The following OTUB1 variants were observed in gnomAD, a reference collection of about 807,000 sequenced individuals.
OTUB1 encodes the protein ubiquitin thioesterase OTUB1.
A neutral mutation model predicts 35.8 loss-of-function variants in OTUB1; 10 were observed. That is an observed-to-expected ratio of 0.28 (90% CI 0.17 to 0.47). The LOEUF is 0.47. Among genes scored for constraint, OTUB1 ranks in the 20% least tolerant of loss-of-function variants. The pLI is 0.99. For missense variants in OTUB1, 264 were observed against 351.6 expected, an observed-to-expected ratio of 0.75 and a Z score of 1.99; for synonymous variants, 158 against 143.8, an observed-to-expected ratio of 1.10 and a Z score of -0.71.
Position 63,997,988 on chromosome 11 carries a change from CT to C in OTUB1, c.*443del, listed in dbSNP as rs1280146687. ...TCATCTGCTCCCTCATAGGCCCCACCTCCACGTCCCGGCTGGGCCCCAGACC... is the reference window on the plus strand; with the variant it reads ...TCATCTGCTCCCTCATAGGCCCCACCCCACGTCCCGGCTGGGCCCCAGACC... On this transcript the variant is annotated 3_prime_UTR_variant, in exon 7 of 7. Coordinates refer to ENST00000538426, the MANE Select transcript of OTUB1 (RefSeq NM_017670.3). 2 of 563,138 alleles carry C rather than the reference CT, an allele frequency of 3.6e-6. No individual in the cohort carries two copies. Among genetic ancestry groups the C allele is most frequent in the Non-Finnish European group, 6.3e-6 (2 of 316,298 alleles). The allele number at this position is 563,138 out of a possible 1,614,324, so 34.9% of individuals were successfully genotyped here. A position where few individuals can be genotyped will look rare whatever the true frequency, so the allele number is the denominator to read the frequency against.
At position 63,988,650 on chromosome 11, in the gene OTUB1, C is replaced by T. The variant is rs1224775997; in HGVS notation, c.121-4C>T. 3 of 1,607,996 alleles carry T rather than the reference C, an allele frequency of 1.9e-6. No individual in the cohort carries two copies. On this transcript the variant is annotated splice_polypyrimidine_tract_variant and splice_region_variant and intron_variant, in intron 2 of 6. Coordinates refer to ENST00000538426, the MANE Select transcript of OTUB1 (RefSeq NM_017670.3). ...AGGACATGACAGATCCCTGCCTCCT[C>T]CAGATTGCTGTGCAGAACCCTCTGG...
At chr11:63,987,763 C>T (rs1288672309) in intron 1 of OTUB1, among the ~76,000 whole-genome samples, 1 of 152,196 alleles carries the variant, frequency 6.6e-6, no homozygotes, top group Non-Finnish European at 1.5e-5. Flanking sequence ...AGTGCAGGCT[C>T]ATAGGAAGCT....
At chr11:63,987,233 C>T (rs529725549) in intron 1 of OTUB1, among the ~76,000 whole-genome samples, 34 of 152,244 alleles carry the variant, frequency 2.2e-4, no homozygotes, top group African/African-American at 6.3e-4. Flanking sequence ...GTAGGTAGGT[C>T]GACGCCCAGC....
chr11:63,997,387 C>G lies in OTUB1; in HGVS notation c.657C>G (p.His219Gln). 6.2e-7 allele frequency: 1 copy of G among 1,614,092 alleles called. No individual in the cohort carries two copies. The highest frequency in any genetic ancestry group is 2.2e-5 in the East Asian group (1 of 44,870). Residue 219 changes from histidine (H) to glutamine (Q), a missense_variant, in exon 7 of 7, where the codon CAC (histidine) becomes CAG (glutamine). Coordinates refer to ENST00000538426, the MANE Select transcript of OTUB1 (RefSeq NM_017670.3). The stretch of plus-strand genomic sequence containing the variant: ...TGTGCAAGGAGAGCGACCACATCCA[C>G]ATCATTGCGCTGGCCCAGGCCCTCA... ...EPMCKESDHI[H>Q]IIALAQALSV...
chr11:63,997,295 C>T (rs1489263197), intron 6 of OTUB1, 51 bp downstream of exon 6: 12 of 1,610,950 alleles, frequency 7.4e-6, no homozygotes, highest in Non-Finnish European at 9.3e-6. Context: ...AGTGGGCCCA[C>T]AGGGCCTGGG....
At chr11:63,997,308 G>T in intron 6 of OTUB1, 41 bp from the exon 7 acceptor site, 2 of 1,612,134 alleles carry the variant, frequency 1.2e-6, no homozygotes, top group Non-Finnish European at 1.7e-6. Flanking sequence ...GGCCTGGGGC[G>T]GGGTGCGGAG....
rs1942640662 is a variant in OTUB1, at chr11:63,988,515, C to T, written c.120+117C>T. On this transcript the variant is annotated intron_variant, in intron 2 of 6. Transcript: ENST00000538426. ...CTTTGGAAGCTCCCTCCTCCCTAGG[C>T]TATGCTAGGTACTGGTGCTTTTCTG... 6 of 1,271,204 alleles carry T rather than the reference C, an allele frequency of 4.7e-6. No homozygotes were observed. The South Asian group carries it at 6.1e-5, about 13-fold the overall frequency. The allele number at this position is 1,271,204 out of a possible 1,614,324, so 78.7% of individuals were successfully genotyped here.
intron 6 of OTUB1, 29 bp from the exon 7 acceptor site, chr11:63,997,294 ACAGGGCCTGGGGCGGGGTGCGGAGAC>A (rs1942730837): frequency 6.2e-7 from 1 of 1,611,134 alleles, no homozygotes; most frequent in Non-Finnish European, 8.5e-7. Flanking sequence ...CAGTGGGCCC[ACAGGGCCTGGGGCGGGGTGCGGAGAC>A]CAGGGCCTGA....
intron 3 of OTUB1, among the ~76,000 whole-genome samples, chr11:63,996,265 C>T (rs556530065): frequency 6.6e-6 from 1 of 152,322 alleles, no homozygotes; most frequent in South Asian, 2.1e-4. Context: ...GTTGTACAGT[C>T]CTGTAGGCCC....
chr11:63,986,743 T>A, intron 1 of OTUB1: 1 of 513,168 alleles, frequency 1.9e-6, no homozygotes, highest in East Asian at 3.4e-5. Context: ...CCGCGGCCCT[T>A]CTCCATCGTG....
rs996210796 is a variant in OTUB1 at position 63,986,554 on chromosome 11, G to C, written c.58+40G>C. On this transcript the variant is annotated intron_variant, in intron 1 of 6. Coordinates refer to ENST00000538426, the MANE Select transcript of OTUB1 (RefSeq NM_017670.3). ...AGGGATGTCCGGCCCGGGCTAGTGG[G>C]GGCGATGCCGGGCCAGCTGCTCCCG... The C allele has an allele frequency of 2.7e-6, 4 of 1,501,726 alleles. No individual in the cohort carries two copies. The African/African-American group carries it at 5.6e-5, about 21-fold the overall frequency. 93.0% of individuals were successfully genotyped at this position (1,501,726 alleles called of 1,614,324 possible).
In OTUB1 at chr11:63,997,765, C is replaced by A; in HGVS notation, c.*219C>A. ...CTGCTCTGTCTGCTGCCCCCTCCCC[C>A]CAGGTGGGTCCCCCTGCTTTTCACC... On this transcript the variant is annotated 3_prime_UTR_variant, in exon 7 of 7. Coordinates refer to ENST00000538426, the MANE Select transcript of OTUB1 (RefSeq NM_017670.3). The A allele has an allele frequency of 1.4e-6, 1 of 701,562 alleles. No individual in the cohort carries two copies. Among genetic ancestry groups the A allele is most frequent in the Non-Finnish European group, 2.6e-6 (1 of 385,378 alleles). 43.5% of individuals were successfully genotyped at this position (701,562 alleles called of 1,614,324 possible).
At chr11:63,995,486 G>A (rs1434765729) in intron 3 of OTUB1, among the ~76,000 whole-genome samples, 5 of 152,010 alleles carry the variant, frequency 3.3e-5, no homozygotes, top group Non-Finnish European at 5.9e-5. Flanking sequence ...GTGAGCCATC[G>A]CGCCCAGCCA....
At chr11:63,987,636 G>A (rs1225044428) in intron 1 of OTUB1, among the ~76,000 whole-genome samples, 2 of 152,248 alleles carry the variant, frequency 1.3e-5, no homozygotes, top group African/African-American at 4.8e-5. Context: ...CAGGTCTTTT[G>A]CTAGTTGTGA....
rs750615155 is a variant in OTUB1, at chr11:63,986,520, G to T, written c.58+6G>T. ...GCTGGGCAGCGACTCCGAAGGTACA[G>T]ATCCAAGGAGGGATGTCCGGCCCGG... On this transcript the variant is annotated splice_donor_region_variant and intron_variant, in intron 1 of 6. Coordinates refer to ENST00000538426, the MANE Select transcript of OTUB1 (RefSeq NM_017670.3). 1 of 1,547,234 alleles carries T rather than the reference G, an allele frequency of 6.5e-7. No individual in the cohort carries two copies. The highest frequency in any genetic ancestry group is 8.7e-7 in the Non-Finnish European group (1 of 1,145,066).
chr11:63,993,415 A>C (rs1942689789), intron 3 of OTUB1, among the ~76,000 whole-genome samples: 1 of 152,196 alleles, frequency 6.6e-6, no homozygotes, highest in African/African-American at 2.4e-5. Context: ...TAATCCTAGC[A>C]CTTTGGGAGG....
intron 1 of OTUB1, 86 bp from the exon 2 acceptor site, chr11:63,988,251 C>G: frequency 9.3e-7 from 1 of 1,078,458 alleles, no homozygotes; most frequent in Non-Finnish European, 1.4e-6. Context: ...CTTCCTGACC[C>G]TGGGCTGCTC....
Position 63,988,352 on chromosome 11 carries a change from C to T in OTUB1, c.74C>T (p.Ala25Val), listed in dbSNP as rs1349353980. 5 of 1,553,710 alleles carry T rather than the reference C, an allele frequency of 3.2e-6. No individual in the cohort carries two copies. The African/African-American group carries it at 4.1e-5, about 13-fold the overall frequency. ...GSDSEGVNCLAYDEAIMAQQD... is the reference protein window; with the variant it reads ...GSDSEGVNCLVYDEAIMAQQD... Reference sequence around the variant, plus strand: ...CTTTTCCCAGGTGTTAACTGTCTGGCCTATGATGAAGCCATCATGGCTCAG... The same window carrying T: ...CTTTTCCCAGGTGTTAACTGTCTGGTCTATGATGAAGCCATCATGGCTCAG... Residue 25 changes from alanine to valine, a missense_variant, in exon 2 of 7, where the codon GCC becomes GTC. Physicochemically the swap from Ala to Val is moderately conservative, Grantham distance 64. Coordinates refer to ENST00000538426, the MANE Select transcript of OTUB1 (RefSeq NM_017670.3).
chr11:63,988,438 G>A, intron 2 of OTUB1, 40 bp downstream of exon 2: 6 of 1,537,438 alleles, frequency 3.9e-6, no homozygotes, highest in Non-Finnish European at 5.3e-6. Flanking sequence ...GTGGCCAGCA[G>A]CCCCATTGTG....
Sources: allele counts gnomAD v4.1 joint callset (sites outside exome capture counted in the v4.1 genomes callset), GRCh38; gene constraint gnomAD v4.1.1; transcripts MANE v1.5; gene names NCBI Gene and HGNC (gene_info 2026-07-23, HGNC 2026-07-21).